Variants in RIMS1 observed in about 807,000 individuals in gnomAD.
The protein encoded by RIMS1 is regulating synaptic membrane exocytosis 1.
RIMS1 carries 83 observed loss-of-function variants against 214.1 expected under a neutral mutation model. The observed-to-expected ratio is 0.39, with a 90% CI of 0.32 to 0.47. The LOEUF (loss-of-function observed/expected upper bound fraction) is 0.47. Ranked by LOEUF, RIMS1 falls within the 20% of genes least tolerant of loss-of-function variation. The pLI is 0.99. For synonymous variants in RIMS1, 793 were observed against 786.8 expected (o/e 1.01, Z -0.13); for missense variants, 2,050 against 2,161.8 (o/e 0.95, Z 1.03).
chr6:72,298,405 G>A (rs894121148), intron 26 of RIMS1, among the ~76,000 whole-genome samples: 2 of 151,918 alleles, frequency 1.3e-5, no homozygotes, highest in African/African-American at 4.8e-5. Flanking sequence ...TTATCAGTCA[G>A]TATTTCATTT....
intron 1 of RIMS1, among the ~76,000 whole-genome samples, chr6:71,896,983 A>G (rs1415854398): frequency 3.9e-5 from 6 of 152,206 alleles, no homozygotes; most frequent in African/African-American, 1.2e-4. Context: ...GTCCTTAGCC[A>G]CCTGTTAAAT....
chr6:72,397,056 T>C (rs2098787963), intron 31 of RIMS1, among the ~76,000 whole-genome samples: 1 of 152,062 alleles, frequency 6.6e-6, no homozygotes, highest in Non-Finnish European at 1.5e-5. Flanking sequence ...TGGAAATTTA[T>C]TTAAGATGGA....
chr6:72,211,731 A>G (rs1368174469), intron 6 of RIMS1, among the ~76,000 whole-genome samples: 1 of 152,244 alleles, frequency 6.6e-6, no homozygotes, highest in East Asian at 1.9e-4. Flanking sequence ...ATAAAAAGGA[A>G]TTTCTAAGAT....
At chr6:72,019,893 T>A (rs2151931947) in intron 2 of RIMS1, among the ~76,000 whole-genome samples, 1 of 152,274 alleles carries the variant, frequency 6.6e-6, no homozygotes, top group South Asian at 2.1e-4. Flanking sequence ...TAATGTGGTA[T>A]TCACCATTGT....
At chr6:71,973,695 G>A (rs956833463) in intron 2 of RIMS1, among the ~76,000 whole-genome samples, 1 of 152,180 alleles carries the variant, frequency 6.6e-6, no homozygotes, top group Non-Finnish European at 1.5e-5. Context: ...GAGACACAGA[G>A]GAGGCAACAC....
intron 2 of RIMS1, among the ~76,000 whole-genome samples, chr6:72,056,064 A>G (rs1434929555): frequency 2.4e-5 from 3 of 126,494 alleles, no homozygotes; most frequent in Admixed American, 8.4e-5. Flanking sequence ...CATATGCACC[A>G]TGGAATACTA....
chr6:72,146,849 A>G (rs1029795539), intron 4 of RIMS1, among the ~76,000 whole-genome samples: 2 of 152,212 alleles, frequency 1.3e-5, no homozygotes, highest in Non-Finnish European at 2.9e-5. Flanking sequence ...ACATGTTATA[A>G]TGGTAATTCT....
intron 9 of RIMS1, 94 bp downstream of exon 9, chr6:72,238,016 T>C (rs1049602852): frequency 2.9e-6 from 2 of 684,044 alleles, no homozygotes; most frequent in African/African-American, 1.8e-5. Flanking sequence ...TATATATACA[T>C]ACATACATAC....
At chr6:72,030,444 T>C (rs1037548924) in intron 2 of RIMS1, among the ~76,000 whole-genome samples, 1 of 152,190 alleles carries the variant, frequency 6.6e-6, no homozygotes, top group Non-Finnish European at 1.5e-5. Context: ...TGTTTGAAAG[T>C]AATGTATTAA....
chr6:71,964,684 G>T (rs1385514810), intron 1 of RIMS1, among the ~76,000 whole-genome samples: 1 of 151,166 alleles, frequency 6.6e-6, no homozygotes, highest in Admixed American at 6.6e-5. Flanking sequence ...CAGGTTTAGG[G>T]GAAAAAAAAA....
At chr6:72,061,235 A>G (rs988848141) in intron 2 of RIMS1, among the ~76,000 whole-genome samples, 4 of 152,190 alleles carry the variant, frequency 2.6e-5, no homozygotes, top group Admixed American at 1.3e-4. Flanking sequence ...ATCTTTGTTG[A>G]CATTATAATA....
At chr6:72,243,058 C>A (rs1332206215) in intron 10 of RIMS1, among the ~76,000 whole-genome samples, 1 of 151,612 alleles carries the variant, frequency 6.6e-6, no homozygotes, top group Non-Finnish European at 1.5e-5. Context: ...ATATCGTTGC[C>A]TTTTTCTGGC....
intron 2 of RIMS1, among the ~76,000 whole-genome samples, chr6:71,988,186 G>T (rs548680510): frequency 2.6e-5 from 4 of 151,946 alleles, no homozygotes; most frequent in African/African-American, 9.7e-5. Flanking sequence ...AATTCTTTCA[G>T]TTGACATCAA....
At chr6:72,384,345 CTT>C in intron 29 of RIMS1, among the ~76,000 whole-genome samples, 1 of 152,164 alleles carries the variant, frequency 6.6e-6, no homozygotes, top group East Asian at 1.9e-4. Flanking sequence ...CTCATTCCCT[CTT>C]CTGACTGGCC....
intron 6 of RIMS1, among the ~76,000 whole-genome samples, 159 bp from the exon 7 acceptor site, chr6:72,233,614 C>T (rs928840525): frequency 2.6e-5 from 4 of 151,538 alleles, no homozygotes; most frequent in African/African-American, 9.7e-5. Context: ...TCCAGTGATT[C>T]AAGTCACAAC....
At chr6:72,189,569 C>T (rs543751581) in intron 6 of RIMS1, among the ~76,000 whole-genome samples, 1 of 152,288 alleles carries the variant, frequency 6.6e-6, no homozygotes, top group Admixed American at 6.5e-5. Context: ...TGGAAGAGGT[C>T]GAGTGTAATC....
intron 29 of RIMS1, among the ~76,000 whole-genome samples, chr6:72,354,462 G>A (rs1190457883): frequency 6.6e-6 from 1 of 152,102 alleles, no homozygotes; most frequent in African/African-American, 2.4e-5. Flanking sequence ...ACCTACTCAT[G>A]TATTTGCTGT....
chr6:72,261,799 C>T, intron 19 of RIMS1: 1 of 984,848 alleles, frequency 1.0e-6, no homozygotes, highest in Non-Finnish European at 1.2e-6. Context: ...TGAAGTTATA[C>T]TACTCATAAC....
At chr6:71,993,458 C>T (rs1802492420) in intron 2 of RIMS1, among the ~76,000 whole-genome samples, 1 of 152,136 alleles carries the variant, frequency 6.6e-6, no homozygotes. Context: ...GTGTGATTGG[C>T]ATTTTGACTT....
Sources: gnomAD v4.1 joint callset for allele counts (sites outside exome capture counted in the v4.1 genomes callset) on GRCh38, gnomAD v4.1.1 for gene constraint, MANE v1.5 for transcripts, NCBI Gene and HGNC (gene_info 2026-07-23, HGNC 2026-07-21) for gene names.